The following MPP7 variants were observed in gnomAD, a reference collection of about 807,000 sequenced individuals.
MPP7 encodes MAGUK p55 scaffold protein 7.
In MPP7, 60 loss-of-function variants were observed where a neutral mutation model predicts 76.5. The ratio of observed to expected loss-of-function variants is 0.78; its 90% CI spans 0.64 to 0.97. MPP7 has a LOEUF of 0.97. Among genes scored for constraint, MPP7 ranks in the 50% least tolerant of loss-of-function variants. The pLI is 0.00. For missense variants in MPP7, 641 were observed against 694.0 expected (o/e 0.92, Z 0.86); for synonymous variants, 237 against 244.5 (o/e 0.97, Z 0.29).
intron 2 of MPP7, among the ~76,000 whole-genome samples, chr10:28,236,101 T>C (rs1300691408): frequency 6.6e-6 from 1 of 152,180 alleles, no homozygotes; most frequent in Non-Finnish European, 1.5e-5. Context: ...ATATTTAATA[T>C]TGCCAAGAAT....
chr10:28,056,387 G>T, intron 16 of MPP7, 93 bp downstream of exon 16: 3 of 1,331,246 alleles, frequency 2.3e-6, no homozygotes, highest in Non-Finnish European at 3.1e-6. Flanking sequence ...TTGAACTCCT[G>T]GACTCAAATG....
intron 2 of MPP7, among the ~76,000 whole-genome samples, chr10:28,329,452 C>T (rs756255188): frequency 3.6e-4 from 54 of 151,876 alleles, no homozygotes; most frequent in Non-Finnish European, 3.7e-4. Flanking sequence ...CACAGTGAAA[C>T]CCTGTCTCTA....
chr10:28,248,360 G>A (rs902246690), intron 1 of MPP7, among the ~76,000 whole-genome samples: 4 of 152,092 alleles, frequency 2.6e-5, no homozygotes, highest in African/African-American at 4.8e-5. Context: ...ATACACTCCC[G>A]GGAGGAGACA....
At chr10:28,202,342 AAATGACAGCTGG>A (rs1168304124) in intron 2 of MPP7, 71 bp from the exon 3 acceptor site, 70 of 1,058,010 alleles carry the variant, frequency 6.6e-5, no homozygotes, top group Non-Finnish European at 9.5e-5. Context: ...AGGTGTGTGT[AAATGACAGCTGG>A]AACATGCCAA....
rs191732818 is a variant in MPP7, at chr10:28,167,963, A to G, written c.157-17904T>C. 6.8e-3 allele frequency among the ~76,000 whole-genome samples: 1,031 copies of G among 152,350 alleles called. 6 individuals are homozygous for G. Among genetic ancestry groups the G allele is most frequent in the Middle Eastern group, 0.02 (6 of 294 alleles). ...TTAGGTTATATTTTCTAGGCCAGGC[A>G]TGGCAGCTCACGCCTATAATCCCAG... On this transcript the variant is annotated intron_variant, in intron 3 of 16. Coordinates refer to ENST00000683449, the MANE Select transcript of MPP7 (RefSeq NM_001318170.2).
In MPP7 at chr10:28,267,119, G is replaced by T. The variant is rs1175674624; in HGVS notation, c.-131-28384C>A. On this transcript the variant is annotated intron_variant, in intron 1 of 16. Coordinates refer to ENST00000683449, the MANE Select transcript of MPP7 (RefSeq NM_001318170.2). ...CTGTTCCTATAAATAAAGTTTTATT[G>T]AAACACAGCCAAGTTCATTCACTTA... Among the ~76,000 whole-genome samples the T allele has an allele frequency of 3.9e-5, 6 of 152,234 alleles. No individual in the cohort carries two copies. In the East Asian group the frequency reaches 7.7e-4, roughly 20 times the overall value.
chr10:28,309,676 A>AAC (rs1841278093), intron 2 of MPP7, among the ~76,000 whole-genome samples: 1 of 152,236 alleles, frequency 6.6e-6, no homozygotes, highest in South Asian at 2.1e-4. Context: ...TTCCCCTGAA[A>AAC]ATCTCACATT....
chr10:28,224,393 C>A (rs1337781018), intron 2 of MPP7, among the ~76,000 whole-genome samples: 3 of 151,044 alleles, frequency 2.0e-5, no homozygotes, highest in South Asian at 2.1e-4. Context: ...CTGAAGACTG[C>A]AAATTTTTTT....
intron 1 of MPP7, among the ~76,000 whole-genome samples, chr10:28,288,835 C>T (rs1007523104): frequency 2.0e-5 from 3 of 152,084 alleles, no homozygotes; most frequent in African/African-American, 7.2e-5. Flanking sequence ...AATGTCTGGC[C>T]TAGAGCACCA....
chr10:28,163,809 G>A (rs762752693), intron 3 of MPP7, among the ~76,000 whole-genome samples: 13 of 151,590 alleles, frequency 8.6e-5, no homozygotes, highest in East Asian at 2.0e-4. Context: ...TTAGCCGGGC[G>A]TGATGGCAGG....
At chr10:28,088,552 CTA>C (rs1208404618) in intron 12 of MPP7, among the ~76,000 whole-genome samples, 1 of 152,124 alleles carries the variant, frequency 6.6e-6, no homozygotes, top group Non-Finnish European at 1.5e-5. Context: ...GTCATGCTTC[CTA>C]TATAGCCTGT....
At chr10:28,303,409 C>G (rs1288446182), upstream of MPP7, 2 of 152,208 alleles carry the variant, frequency 1.3e-5, no homozygotes, top group African/African-American at 2.4e-5. Context: ...TACGCAGGTT[C>G]ATTCGCCAGA....
upstream of MPP7, among the ~76,000 whole-genome samples, chr10:28,306,803 A>C (rs1011475129): frequency 1.3e-5 from 2 of 152,218 alleles, no homozygotes; most frequent in Non-Finnish European, 2.9e-5. Context: ...GGCAAAAATA[A>C]GTTAGTCCTC....
chr10:28,301,456 T>C (rs553426411), intron 1 of MPP7, among the ~76,000 whole-genome samples: 1 of 152,318 alleles, frequency 6.6e-6, no homozygotes, highest in South Asian at 2.1e-4. Flanking sequence ...CTAAGCAACC[T>C]GAATGGAAAG....
At chr10:28,059,542 T>C in intron 14 of MPP7, 108 bp downstream of exon 14, 1 of 642,966 alleles carries the variant, frequency 1.6e-6, no homozygotes, top group Non-Finnish European at 2.7e-6. Flanking sequence ...AATATTATTA[T>C]GATAATTAAA....
intron 6 of MPP7, among the ~76,000 whole-genome samples, chr10:28,129,825 T>C (rs1184930356): frequency 6.6e-6 from 1 of 152,142 alleles, no homozygotes; most frequent in Non-Finnish European, 1.5e-5. Flanking sequence ...GAAATCTGCA[T>C]TGTAAGTAAG....
rs542181175 is a variant in MPP7 at position 28,300,386 on chromosome 10, G to A, written c.-132+2475C>T. Among the ~76,000 whole-genome samples the A allele has an allele frequency of 3.9e-5, 6 of 152,240 alleles. No homozygotes were observed. The South Asian group carries it at 1.2e-3, about 32-fold the overall frequency. On this transcript the variant is annotated intron_variant, in intron 1 of 16. Transcript: ENST00000683449. Reference sequence around the variant, plus strand: ...TTTCCAGTGTCCCACAATGCAAGAGGGCTGGGCTTATGAGAATAAATGATT... The same window carrying A: ...TTTCCAGTGTCCCACAATGCAAGAGAGCTGGGCTTATGAGAATAAATGATT...
chr10:28,297,180 TAG>T (rs1354856183), intron 1 of MPP7, among the ~76,000 whole-genome samples: 1 of 152,354 alleles, frequency 6.6e-6, no homozygotes, highest in East Asian at 1.9e-4. Flanking sequence ...CAAGTGCATA[TAG>T]AAGTTATATT....
At chr10:28,204,446 A>C (rs1275650375) in intron 2 of MPP7, among the ~76,000 whole-genome samples, 2 of 151,558 alleles carry the variant, frequency 1.3e-5, no homozygotes, top group African/African-American at 4.8e-5. Context: ...CCGTCTCAAA[A>C]AAAAAAAAAA....
Sources: gnomAD v4.1 joint callset for allele counts (sites outside exome capture counted in the v4.1 genomes callset) on GRCh38, gnomAD v4.1.1 for gene constraint, MANE v1.5 for transcripts, NCBI Gene and HGNC (gene_info 2026-07-23, HGNC 2026-07-21) for gene names.